The following COL23A1 variants were observed in gnomAD, a reference collection of about 807,000 sequenced individuals.
COL23A1 encodes the protein collagen type XXIII alpha 1 chain.
Under a neutral mutation model 99.3 loss-of-function variants are expected in COL23A1, and 97 were observed. The ratio of observed to expected loss-of-function variants is 0.98; its 90% CI spans 0.83 to 1.16. The LOEUF is 1.16. Among genes scored for constraint, COL23A1 ranks in the 50% most tolerant of loss-of-function variants. The probability of loss-of-function intolerance (pLI) is 0.00; values close to 1 mark genes in which losing one functional copy is unlikely to be tolerated. For synonymous variants in COL23A1, 320 were observed against 308.2 expected, an observed-to-expected ratio of 1.04 and a Z score of -0.40; for missense variants, 762 against 757.4, an observed-to-expected ratio of 1.01 and a Z score of -0.07.
At chr5:178,260,881 GT>G (rs1765589346) in intron 11 of COL23A1, among the ~76,000 whole-genome samples, 1 of 152,146 alleles carries the variant, frequency 6.6e-6, no homozygotes, top group African/African-American at 2.4e-5. Flanking sequence ...TTAGGGCAGG[GT>G]AAATACTCCA....
chr5:178,490,197 G>A (rs1182956101), intron 2 of COL23A1, among the ~76,000 whole-genome samples: 4 of 152,008 alleles, frequency 2.6e-5, no homozygotes, highest in African/African-American at 9.7e-5. Flanking sequence ...CTGCACTCTA[G>A]CCTGGGCAAC....
chr5:178,442,252 G>A (rs1766912236), intron 2 of COL23A1, among the ~76,000 whole-genome samples: 1 of 149,086 alleles, frequency 6.7e-6, no homozygotes, highest in African/African-American at 2.5e-5. Context: ...GGAGAGGCCT[G>A]TCTGAGGCAC....
chr5:178,471,136 G>A (rs887572830), intron 2 of COL23A1, among the ~76,000 whole-genome samples: 1 of 152,252 alleles, frequency 6.6e-6, no homozygotes, highest in African/African-American at 2.4e-5. Context: ...TTGCAGAGCA[G>A]TTAAGAGAGA....
At position 178,302,195 on chromosome 5, in the gene COL23A1, G is replaced by C. The variant is rs1286353206; in HGVS notation, c.406+4680C>G. ...CAATGCTGCACCTCTGTGTGTGCTG[G>C]AGCACAGCTTCAATCCACCTCTGTG... On this transcript the variant is annotated intron_variant, in intron 3 of 28. Transcript: ENST00000390654. Among the ~76,000 whole-genome samples the C allele has an allele frequency of 5.5e-5, 3 of 54,298 alleles. 1 individual carries two copies. Among genetic ancestry groups the C allele is most frequent in the East Asian group, 3.3e-4 (1 of 3,076 alleles). The allele number at this position is 54,298 out of a possible 152,430, so 35.6% of individuals were successfully genotyped here.
chr5:178,379,679 C>T (rs1056232205), intron 2 of COL23A1, among the ~76,000 whole-genome samples: 1 of 152,048 alleles, frequency 6.6e-6, no homozygotes, highest in Non-Finnish European at 1.5e-5. Flanking sequence ...GTCGGGAGTT[C>T]GAGACCAGCC....
At chr5:178,542,786 G>A (rs991264311) in intron 2 of COL23A1, among the ~76,000 whole-genome samples, 2 of 152,224 alleles carry the variant, frequency 1.3e-5, no homozygotes, top group Non-Finnish European at 2.9e-5. Flanking sequence ...CAGTCTCTGA[G>A]TAAGAACGGC....
chr5:178,296,589 G>A (rs542602833), intron 3 of COL23A1, among the ~76,000 whole-genome samples: 1 of 152,160 alleles, frequency 6.6e-6, no homozygotes, highest in African/African-American at 2.4e-5. Flanking sequence ...CAGAAAGAGC[G>A]GTAATGTGTA....
chr5:178,467,542 T>G (rs961497359), intron 2 of COL23A1, among the ~76,000 whole-genome samples: 3 of 152,068 alleles, frequency 2.0e-5, no homozygotes, highest in African/African-American at 7.2e-5. Flanking sequence ...GGGGCGGTAG[T>G]CGGAGGGAAC....
At chr5:178,326,827 C>T (rs1054665411) in intron 2 of COL23A1, among the ~76,000 whole-genome samples, 4 of 152,228 alleles carry the variant, frequency 2.6e-5, no homozygotes, top group African/African-American at 7.2e-5. Flanking sequence ...TCAAGCAATT[C>T]TCCTGCCTCA....
chr5:178,347,774 G>T (rs1432664308), intron 2 of COL23A1, among the ~76,000 whole-genome samples: 2 of 151,156 alleles, frequency 1.3e-5, no homozygotes, highest in Admixed American at 6.6e-5. Flanking sequence ...CCAGCTACTC[G>T]GGAGGCTGAG....
intron 2 of COL23A1, among the ~76,000 whole-genome samples, chr5:178,343,348 C>T (rs929551808): frequency 2.6e-5 from 4 of 152,118 alleles, no homozygotes; most frequent in East Asian, 1.9e-4. Flanking sequence ...GTCATGTGAC[C>T]GAGGAACATA....
At chr5:178,267,454 C>G in intron 7 of COL23A1, 121 bp from the exon 8 acceptor site, 1 of 943,154 alleles carries the variant, frequency 1.1e-6, no homozygotes, top group East Asian at 2.7e-5. Context: ...ACAAAAATAG[C>G]AGGCAGGCCC....
At chr5:178,509,983 T>G (rs1339342000) in intron 2 of COL23A1, among the ~76,000 whole-genome samples, 3 of 152,242 alleles carry the variant, frequency 2.0e-5, no homozygotes, top group Non-Finnish European at 4.4e-5. Context: ...CCGTCCTTAG[T>G]GCTCACCATC....
Position 178,387,363 on chromosome 5 carries a change from C to CT in COL23A1, c.362-80445dup, listed in dbSNP as rs1430052921. 1.3e-5 allele frequency among the ~76,000 whole-genome samples: 2 copies of CT among 152,190 alleles called. No individual in the cohort carries two copies. Among genetic ancestry groups the CT allele is most frequent in the Non-Finnish European group, 2.9e-5 (2 of 68,038 alleles). On this transcript the variant is annotated intron_variant, in intron 2 of 28. Transcript: ENST00000390654. The surrounding 1 kb of genome is among the most constrained non-coding windows in gnomAD (Gnocchi z 4.7). ...GTCAAACTGACCCGCTCACAAGTCTCTAAGACACTGCTGGGTCAAGCCTCA... is the reference window on the plus strand; with the variant it reads ...GTCAAACTGACCCGCTCACAAGTCTCTTAAGACACTGCTGGGTCAAGCCTCA...
At position 178,242,121 on chromosome 5, in the gene COL23A1, C is replaced by T. The variant is rs776511487; in HGVS notation, c.1502G>A (p.Arg501Gln). Residue 501 changes from arginine (R) to glutamine (Q), a missense_variant, in exon 27 of 29, where the codon CGA becomes CAA. Transcript: ENST00000390654. ...CACTCCTTTCCGGCCGGGGACCCCT[C>T]GTTCTCCCTGTGCAGGAGGGGAGAT... ...DRSERGEKGE[R>Q]GVPGRKGVKG... is the part of the protein sequence containing the mutation. 2.0e-5 allele frequency: 31 copies of T among 1,552,884 alleles called. No individual in the cohort carries two copies. In the South Asian group the frequency reaches 2.3e-4, roughly 11 times the overall value.
intron 2 of COL23A1, among the ~76,000 whole-genome samples, chr5:178,375,321 T>A (rs1186843071): frequency 6.6e-6 from 1 of 152,180 alleles, no homozygotes; most frequent in Non-Finnish European, 1.5e-5. Flanking sequence ...CCGCAGGGGA[T>A]GAAAAGGTCC....
chr5:178,571,536 A>G (rs1233971915), intron 1 of COL23A1, among the ~76,000 whole-genome samples: 1 of 152,126 alleles, frequency 6.6e-6, no homozygotes, highest in Non-Finnish European at 1.5e-5. Context: ...CAGCCCAGGA[A>G]TATATATACA....
intron 1 of COL23A1, among the ~76,000 whole-genome samples, chr5:178,584,831 G>A (rs980457922): frequency 5.3e-5 from 8 of 152,168 alleles, no homozygotes; most frequent in South Asian, 2.1e-4. Flanking sequence ...TTGGTCCTTC[G>A]GGGCTGGGGA....
At chr5:178,329,391 G>T (rs563494273) in intron 2 of COL23A1, among the ~76,000 whole-genome samples, 2 of 152,146 alleles carry the variant, frequency 1.3e-5, no homozygotes, top group South Asian at 4.2e-4. Flanking sequence ...CTGTCAGCCA[G>T]CCCTAGACTC....
Sources: gnomAD v4.1 joint callset for allele counts (sites outside exome capture counted in the v4.1 genomes callset) on GRCh38, gnomAD v4.1.1 for gene constraint, Gnocchi (gnomAD v3.1) non-coding constraint, MANE v1.5 for transcripts, NCBI Gene and HGNC (gene_info 2026-07-23, HGNC 2026-07-21) for gene names.